Variants in GNAQ observed in about 807,000 individuals in gnomAD.
GNAQ encodes the protein guanine nucleotide-binding protein G(q) subunit alpha.
GNAQ carries 8 observed loss-of-function variants against 43.9 expected under a neutral mutation model. That is an observed-to-expected ratio of 0.18 (90% CI 0.11 to 0.33). The LOEUF (loss-of-function observed/expected upper bound fraction) is 0.33. Among genes scored for constraint, GNAQ ranks in the 10% least tolerant of loss-of-function variants. The pLI is 1.00. For missense variants in GNAQ, 158 were observed against 450.8 expected, an observed-to-expected ratio of 0.35 and a Z score of 5.88; for synonymous variants, 155 against 170.7, an observed-to-expected ratio of 0.91 and a Z score of 0.71.
intron 5 of GNAQ, among the ~76,000 whole-genome samples, chr9:77,758,420 G>A (rs958894023): frequency 2.0e-5 from 3 of 152,128 alleles, no homozygotes; most frequent in African/African-American, 7.2e-5. Context: ...AAAACTAGAT[G>A]TATATTTAAA....
chr9:77,840,444 C>G (rs1200496031), intron 2 of GNAQ, among the ~76,000 whole-genome samples: 1 of 150,698 alleles, frequency 6.6e-6, no homozygotes, highest in East Asian at 2.0e-4. Context: ...TCAAGCAATT[C>G]TCCTGCCTCA....
intron 3 of GNAQ, among the ~76,000 whole-genome samples, chr9:77,803,165 G>C (rs1380360577): frequency 6.6e-6 from 1 of 152,122 alleles, no homozygotes; most frequent in Non-Finnish European, 1.5e-5. Flanking sequence ...GAGGTTGTTA[G>C]CTATCCATCC....
chr9:77,762,020 C>A, intron 5 of GNAQ, among the ~76,000 whole-genome samples: 1 of 138,840 alleles, frequency 7.2e-6, no homozygotes, highest in South Asian at 2.3e-4. Context: ...GCCGCCCCTC[C>A]TGGGAAGTGA....
intron 3 of GNAQ, among the ~76,000 whole-genome samples, chr9:77,814,937 C>A (rs1826988284): frequency 6.6e-6 from 1 of 152,198 alleles, no homozygotes; most frequent in Non-Finnish European, 1.5e-5. Context: ...ATTGCCAAAT[C>A]TTTACTTCCT....
chr9:78,003,536 C>T (rs1823668282), intron 1 of GNAQ, among the ~76,000 whole-genome samples: 1 of 152,110 alleles, frequency 6.6e-6, no homozygotes. Flanking sequence ...AAGCTGCGGC[C>T]GGACACAGTG....
intron 3 of GNAQ, 64 bp from the exon 4 acceptor site, chr9:77,797,712 A>G (rs1212581012): frequency 2.0e-6 from 3 of 1,495,698 alleles, no homozygotes; most frequent in African/African-American, 2.8e-5. Flanking sequence ...GTCTACGGAA[A>G]GGGAAGGACA....
chr9:77,867,775 C>G (rs1827971613), intron 2 of GNAQ, among the ~76,000 whole-genome samples: 1 of 152,184 alleles, frequency 6.6e-6, no homozygotes, highest in Admixed American at 6.5e-5. Flanking sequence ...GGTTGCACAC[C>G]ATTAAGAGCT....
chr9:77,760,550 C>T (rs1825982559), intron 5 of GNAQ, among the ~76,000 whole-genome samples: 1 of 152,170 alleles, frequency 6.6e-6, no homozygotes, highest in African/African-American at 2.4e-5. Flanking sequence ...GTGATCTCGG[C>T]TCGCTACAAC....
chr9:77,815,599 C>A lies in GNAQ; in HGVS notation c.476+17G>T. On this transcript the variant is annotated intron_variant, in intron 3 of 6. Transcript: ENST00000286548. Reference sequence around the variant, plus strand: ...GTAAAGAGAAAAATCCATAGGGCCACCTGGAAAGATACTCACTATTTGGTA... The same window carrying A: ...GTAAAGAGAAAAATCCATAGGGCCAACTGGAAAGATACTCACTATTTGGTA... 3 of 1,565,700 alleles carry A rather than the reference C, an allele frequency of 1.9e-6. No individual in the cohort carries two copies. The highest frequency in any genetic ancestry group is 2.6e-6 in the Non-Finnish European group (3 of 1,144,256).
chr9:77,890,592 G>A (rs1013202136), intron 2 of GNAQ, among the ~76,000 whole-genome samples: 1 of 152,146 alleles, frequency 6.6e-6, no homozygotes, highest in Non-Finnish European at 1.5e-5. Flanking sequence ...GCGTGGTGGC[G>A]CATGCCTGTA....
intron 5 of GNAQ, among the ~76,000 whole-genome samples, chr9:77,778,655 A>C (rs1826342594): frequency 6.6e-6 from 1 of 151,954 alleles, no homozygotes; most frequent in South Asian, 2.1e-4. Context: ...AATGGATAAA[A>C]AAAACCACAA....
intron 2 of GNAQ, among the ~76,000 whole-genome samples, chr9:77,889,171 T>C (rs918116053): frequency 6.6e-6 from 1 of 151,928 alleles, no homozygotes; most frequent in South Asian, 2.1e-4. Context: ...TCCCAGCACT[T>C]TGGGAGGCCA....
intron 2 of GNAQ, among the ~76,000 whole-genome samples, chr9:77,840,494 A>G (rs558010961): frequency 6.6e-6 from 1 of 151,726 alleles, no homozygotes; most frequent in African/African-American, 2.4e-5. Context: ...GCGCCACCAC[A>G]CCTGGCTAAC....
At chr9:77,885,208 A>G (rs1041732867) in intron 2 of GNAQ, among the ~76,000 whole-genome samples, 2 of 152,188 alleles carry the variant, frequency 1.3e-5, no homozygotes, top group African/African-American at 2.4e-5. Flanking sequence ...GGAACCTCCC[A>G]GTGCCTCATC....
intron 2 of GNAQ, among the ~76,000 whole-genome samples, chr9:77,874,067 T>C (rs1828086903): frequency 6.8e-6 from 1 of 145,992 alleles, no homozygotes; most frequent in African/African-American, 2.6e-5. Flanking sequence ...ATCGCACCAT[T>C]GCACTCCACC....
chr9:77,949,304 C>T lies in GNAQ; in HGVS notation c.137-26959G>A, dbSNP rs188769628. 3.9e-5 allele frequency among the ~76,000 whole-genome samples: 6 copies of T among 152,194 alleles called. No homozygotes were observed. The East Asian group carries it at 1.2e-3, about 29-fold the overall frequency. Reference sequence around the variant, plus strand: ...AGGATGGAACTTCAGTCCTTAGGGGCAGAAATGAATGTGGTGGCAACACAA... The same window carrying T: ...AGGATGGAACTTCAGTCCTTAGGGGTAGAAATGAATGTGGTGGCAACACAA... On this transcript the variant is annotated intron_variant, in intron 1 of 6. Transcript: ENST00000286548.
chr9:77,816,834 A>G (rs1827025422), intron 2 of GNAQ, among the ~76,000 whole-genome samples: 3 of 152,220 alleles, frequency 2.0e-5, no homozygotes, highest in Admixed American at 2.0e-4. Context: ...GAATTTTAAT[A>G]AATGTGATCC....
At chr9:77,807,039 T>G (rs1442515476) in intron 3 of GNAQ, among the ~76,000 whole-genome samples, 1 of 152,164 alleles carries the variant, frequency 6.6e-6, no homozygotes, top group African/African-American at 2.4e-5. Context: ...GATTAGAACT[T>G]TCATTTTGAC....
intron 2 of GNAQ, among the ~76,000 whole-genome samples, chr9:77,831,402 G>C (rs1044229520): frequency 2.6e-5 from 4 of 152,110 alleles, no homozygotes; most frequent in African/African-American, 9.7e-5. Flanking sequence ...CCAAAATCAG[G>C]AGGATCAATT....
Sources: allele counts gnomAD v4.1 joint callset (sites outside exome capture counted in the v4.1 genomes callset), GRCh38; gene constraint gnomAD v4.1.1; transcripts MANE v1.5; gene names NCBI Gene and HGNC (gene_info 2026-07-23, HGNC 2026-07-21).